The following ROBO2 variants were observed in gnomAD, a reference collection of about 807,000 sequenced individuals.
ROBO2 encodes the protein roundabout guidance receptor 2, also known as roundabout homolog 2.
A neutral mutation model predicts 160.8 loss-of-function variants in ROBO2; 53 were observed. That is an observed-to-expected ratio of 0.33 (90% CI 0.26 to 0.41). ROBO2 has a LOEUF of 0.41. Among genes scored for constraint, ROBO2 ranks in the 10% least tolerant of loss-of-function variants. The pLI is 1.00. For synonymous variants in ROBO2, 664 were observed against 611.7 expected (o/e 1.09, Z -1.26); for missense variants, 1,577 against 1,722.4 (o/e 0.92, Z 1.49).
rs13313985 is a variant in ROBO2, at chr3:76,735,687, A to G, written c.110-362327A>G. The stretch of plus-strand genomic sequence containing the variant: ...TGAGGTGAGGGGATGGCCTGAGTCC[A>G]GGAGGCAGAGAATGCAGTGAGCAGA... On this transcript the variant is annotated intron_variant, in intron 2 of 26. Coordinates refer to the ROBO2 transcript ENST00000487694. 1.3e-3 allele frequency among the ~76,000 whole-genome samples: 182 copies of G among 145,512 alleles called. 1 individual carries two copies. Among genetic ancestry groups the G allele is most frequent in the African/African-American group, 4.5e-3 (179 of 39,596 alleles).
intron 1 of ROBO2, among the ~76,000 whole-genome samples, chr3:77,087,229 T>A (rs1221352674): frequency 2.0e-5 from 3 of 152,198 alleles, no homozygotes; most frequent in Non-Finnish European, 4.4e-5. Flanking sequence ...ATTAAATAAA[T>A]GTCAATGGTT....
intron 2 of ROBO2, among the ~76,000 whole-genome samples, chr3:76,594,987 G>A (rs566710635): frequency 1.1e-4 from 16 of 151,956 alleles, no homozygotes; most frequent in Non-Finnish European, 1.9e-4. Flanking sequence ...ACCTTGGGAG[G>A]TAATTAAGTC....
chr3:76,415,411 C>G (rs781219834), intron 2 of ROBO2, among the ~76,000 whole-genome samples: 1 of 152,160 alleles, frequency 6.6e-6, no homozygotes, highest in East Asian at 1.9e-4. Flanking sequence ...TAATGGGACC[C>G]TACTTTTAAC....
At chr3:76,345,323 G>A (rs910339460) in intron 2 of ROBO2, among the ~76,000 whole-genome samples, 6 of 151,972 alleles carry the variant, frequency 3.9e-5, no homozygotes, top group East Asian at 3.9e-4. Context: ...TTTTTCTGTC[G>A]CTCTTTGTAA....
chr3:77,037,934 A>T (rs1356202661), upstream of ROBO2, among the ~76,000 whole-genome samples: 1 of 152,188 alleles, frequency 6.6e-6, no homozygotes, highest in Non-Finnish European at 1.5e-5. Context: ...CCGCGTAAGG[A>T]AATTTGCCCG....
intron 2 of ROBO2, among the ~76,000 whole-genome samples, chr3:77,398,424 G>C (rs2075485119): frequency 2.6e-5 from 4 of 152,064 alleles, no homozygotes; most frequent in Non-Finnish European, 5.9e-5. Context: ...TACAATCAGA[G>C]AGAAACAGGG....
intron 2 of ROBO2, among the ~76,000 whole-genome samples, chr3:77,340,146 T>C (rs1412495033): frequency 6.6e-6 from 1 of 152,128 alleles, no homozygotes; most frequent in East Asian, 1.9e-4. Context: ...TCGTATTAGC[T>C]ATAACACAAG....
chr3:77,490,866 T>G (rs184839395), intron 4 of ROBO2, among the ~76,000 whole-genome samples: 277 of 152,350 alleles, frequency 1.8e-3, no homozygotes, highest in Middle Eastern at 3.4e-3. Context: ...TATGAACCAT[T>G]GTGTCAGTTT....
intron 2 of ROBO2, among the ~76,000 whole-genome samples, chr3:76,026,094 C>T (rs1290495573): frequency 6.6e-6 from 1 of 151,878 alleles, no homozygotes; most frequent in Non-Finnish European, 1.5e-5. Flanking sequence ...TTTGGCTCCC[C>T]AGTACCTTGC....
At chr3:76,836,219 T>G (rs6548451) in intron 2 of ROBO2, among the ~76,000 whole-genome samples, 1 of 151,774 alleles carries the variant, frequency 6.6e-6, no homozygotes, top group Admixed American at 6.6e-5. Flanking sequence ...CTACTACTTG[T>G]TGATTACTAC....
At chr3:77,407,932 A>C (rs182104423) in intron 2 of ROBO2, among the ~76,000 whole-genome samples, 7 of 152,318 alleles carry the variant, frequency 4.6e-5, no homozygotes, top group Admixed American at 6.5e-5. Context: ...ACGTGTTACT[A>C]ACAGATTTAA....
chr3:76,700,998 C>T (rs1214802898), intron 2 of ROBO2, among the ~76,000 whole-genome samples: 1 of 152,022 alleles, frequency 6.6e-6, no homozygotes. Context: ...TGTATTGAAG[C>T]TGTGTTACAA....
intron 2 of ROBO2, among the ~76,000 whole-genome samples, chr3:76,276,778 G>C (rs1707948806): frequency 6.6e-6 from 1 of 151,948 alleles, no homozygotes; most frequent in Non-Finnish European, 1.5e-5. Context: ...ATAATGGGGT[G>C]ATGATGTCCT....
chr3:76,389,615 A>T (rs1326334111), intron 2 of ROBO2, among the ~76,000 whole-genome samples: 1 of 152,180 alleles, frequency 6.6e-6, no homozygotes, highest in Admixed American at 6.5e-5. Flanking sequence ...CTGATAAAAA[A>T]AAGTATCCAT....
chr3:77,635,257 T>C (rs748382306), intron 24 of ROBO2, among the ~76,000 whole-genome samples: 19 of 130,778 alleles, frequency 1.5e-4, no homozygotes, highest in Admixed American at 2.6e-4. Flanking sequence ...ATACATTCCA[T>C]GCAATTTTTT....
At chr3:76,197,525 C>T (rs1702318547) in intron 2 of ROBO2, among the ~76,000 whole-genome samples, 1 of 152,154 alleles carries the variant, frequency 6.6e-6, no homozygotes, top group African/African-American at 2.4e-5. Context: ...GAGTGATAAT[C>T]CACCGAGTTA....
intron 2 of ROBO2, among the ~76,000 whole-genome samples, chr3:76,599,324 A>G (rs1645276000): frequency 6.6e-6 from 1 of 152,090 alleles, no homozygotes; most frequent in South Asian, 2.1e-4. Context: ...AACATGCAGT[A>G]TTTGGTTTTC....
intron 2 of ROBO2, among the ~76,000 whole-genome samples, chr3:76,735,069 A>T (rs1264981419): frequency 1.3e-5 from 2 of 152,166 alleles, no homozygotes; most frequent in East Asian, 3.9e-4. Context: ...CCACTCAGCA[A>T]TCCCATTACT....
At chr3:76,529,220 CA>C (rs1259515778) in intron 2 of ROBO2, among the ~76,000 whole-genome samples, 37 of 152,232 alleles carry the variant, frequency 2.4e-4, no homozygotes, top group African/African-American at 8.9e-4. Flanking sequence ...CAAAGATAGA[CA>C]GCAAAAGAGC....
Sources: allele counts gnomAD v4.1 joint callset (sites outside exome capture counted in the v4.1 genomes callset), GRCh38; gene constraint gnomAD v4.1.1; transcripts MANE v1.5; gene names NCBI Gene and HGNC (gene_info 2026-07-23, HGNC 2026-07-21).